Variants in PCDHGA1 observed in about 807,000 individuals in gnomAD.
The protein encoded by PCDHGA1 is protocadherin gamma-A1.
Under a neutral mutation model 58.0 loss-of-function variants are expected in PCDHGA1, and 32 were observed. That is an observed-to-expected ratio of 0.55 (90% CI 0.42 to 0.74). The LOEUF is 0.74. Among genes scored for constraint, PCDHGA1 ranks in the 30% least tolerant of loss-of-function variants. PCDHGA1 has a pLI of 0.00. For synonymous variants in PCDHGA1, 498 were observed against 501.1 expected, an observed-to-expected ratio of 0.99 and a Z score of 0.08; for missense variants, 1,205 against 1,182.3, an observed-to-expected ratio of 1.02 and a Z score of -0.28.
intron 1 of PCDHGA1, chr5:141,408,072 T>G (rs1047187961): frequency 1.7e-5 from 24 of 1,388,622 alleles, no homozygotes; most frequent in Middle Eastern, 2.6e-4. Flanking sequence ...CGCAGACCTT[T>G]CCCAGCACAG....
chr5:141,465,611 C>T (rs1393170181), intron 1 of PCDHGA1, among the ~76,000 whole-genome samples: 1 of 152,178 alleles, frequency 6.6e-6, no homozygotes, highest in African/African-American at 2.4e-5. Context: ...CTCTTTGGCC[C>T]TCCAGGAAGT....
rs79201149 is a variant in PCDHGA1, at chr5:141,386,596, T to C, written c.2421+53491T>C. Among the ~76,000 whole-genome samples, 402 of 139,140 alleles carry C rather than the reference T, an allele frequency of 2.9e-3. 2 individuals are homozygous for C. Among genetic ancestry groups the C allele is most frequent in the Non-Finnish European group, 4.9e-3 (319 of 65,706 alleles). The allele number at this position is 139,140 out of a possible 152,430, so 91.3% of individuals were successfully genotyped here. A position where few individuals can be genotyped will look rare whatever the true frequency, so the allele number is the denominator to read the frequency against. Reference sequence around the variant, plus strand: ...TCTGTACAATAGTGTGGGGGATACATTTTTTTTTTTTGACATGGAGTCTCG... The same window carrying C: ...TCTGTACAATAGTGTGGGGGATACACTTTTTTTTTTTGACATGGAGTCTCG... On this transcript the variant is annotated intron_variant, in intron 1 of 3. Transcript: ENST00000517417.
chr5:141,376,188 G>A (rs1772391716), intron 1 of PCDHGA1: 2 of 1,614,124 alleles, frequency 1.2e-6, no homozygotes, highest in South Asian at 2.2e-5. Context: ...GCGGTCTCCT[G>A]CGTCTTCCTG....
At chr5:141,507,084 T>G (rs2099858284) in intron 3 of PCDHGA1, 1 of 152,142 alleles carries the variant, frequency 6.6e-6, no homozygotes, top group African/African-American at 2.4e-5. Flanking sequence ...ACTCCTAAGT[T>G]TATGCTCTTT....
intron 1 of PCDHGA1, among the ~76,000 whole-genome samples, chr5:141,382,133 T>A (rs1420684997): frequency 6.6e-6 from 1 of 152,068 alleles, no homozygotes; most frequent in Non-Finnish European, 1.5e-5. Context: ...TGGCCCCCCC[T>A]CTCATTTTTT....
chr5:141,499,104 C>A (rs2099789508), intron 2 of PCDHGA1, among the ~76,000 whole-genome samples: 1 of 152,120 alleles, frequency 6.6e-6, no homozygotes, highest in African/African-American at 2.4e-5. Flanking sequence ...CTTCTCCTCC[C>A]CACCACTATC....
At chr5:141,414,722 G>T in intron 1 of PCDHGA1, 1 of 1,614,128 alleles carries the variant, frequency 6.2e-7, no homozygotes, top group South Asian at 1.1e-5. Flanking sequence ...TCAGACACTG[G>T]CGTCCTGTAT....
intron 1 of PCDHGA1, chr5:141,427,834 C>A: frequency 6.5e-7 from 1 of 1,542,566 alleles, no homozygotes; most frequent in Non-Finnish European, 8.9e-7. Flanking sequence ...GCGCAGCGTG[C>A]CTTCGACCAC....
chr5:141,414,318 G>A (rs1212643655), intron 1 of PCDHGA1: 1 of 1,613,772 alleles, frequency 6.2e-7, no homozygotes, highest in Non-Finnish European at 8.5e-7. Context: ...TAGACTCTGA[G>A]CAGAATGGAC....
chr5:141,366,595 C>T, intron 1 of PCDHGA1: 1 of 1,614,264 alleles, frequency 6.2e-7, no homozygotes, highest in Non-Finnish European at 8.5e-7. Flanking sequence ...CCTATTCCCA[C>T]GAGGTCTCCC....
Position 141,476,263 on chromosome 5 carries a change from C to G in PCDHGA1, c.2422-18544C>G. 13 of 1,613,940 alleles carry G rather than the reference C, an allele frequency of 8.1e-6. No individual in the cohort carries two copies. Among genetic ancestry groups the G allele is most frequent in the Non-Finnish European group, 1.1e-5 (13 of 1,180,010 alleles). On this transcript the variant is annotated intron_variant, in intron 1 of 3. Transcript: ENST00000517417. This position sits in a 1 kb window ranked among gnomAD's most constrained non-coding sequence, Gnocchi z 7.6. ...GAGAGAAGGGTTTCGCTGTGGGCAA[C>G]GTGGTCGCGAACCTTGGTTTGGATC...
chr5:141,411,573 GA>G (rs2095500797), intron 1 of PCDHGA1: 1 of 152,244 alleles, frequency 6.6e-6, no homozygotes, highest in Middle Eastern at 3.4e-3. Flanking sequence ...GACAGAGTGC[GA>G]CCCTGTCTCT....
rs1561472048 is a variant in PCDHGA1, at chr5:141,332,029, TC to T, written c.1349del (p.Pro450GlnfsTer25). 1 of 1,613,962 alleles carries T rather than the reference TC, an allele frequency of 6.2e-7. No individual in the cohort carries two copies. Among genetic ancestry groups the T allele is most frequent in the Admixed American group, 1.7e-5 (1 of 59,996 alleles). On this transcript the variant is annotated frameshift_variant, in exon 1 of 4. Transcript: ENST00000517417. LOFTEE classifies it high-confidence loss of function. The surrounding 1 kb of genome is among the most constrained non-coding windows in gnomAD (Gnocchi z 4.6). ...ACTAGTGACAGATATCAATGACAAC[TC>T]CCCAGTCTTCCATCAGGACTCCTAC... ...SLLVTDINDN[S>X]PVFHQDSYSA...
chr5:141,389,211 G>T (rs2091646577), intron 1 of PCDHGA1: 1 of 1,613,940 alleles, frequency 6.2e-7, no homozygotes, highest in Admixed American at 1.7e-5. Context: ...CATTGGTGAT[G>T]TAAATGACAA....
intron 1 of PCDHGA1, chr5:141,376,827 C>T (rs954435109): frequency 2.9e-5 from 8 of 271,594 alleles, no homozygotes; most frequent in Middle Eastern, 1.2e-3. Flanking sequence ...GCTGGGACTA[C>T]AGGCGCCCGC....
At chr5:141,374,599 C>T (rs948691402) in intron 1 of PCDHGA1, 10 of 1,613,528 alleles carry the variant, frequency 6.2e-6, no homozygotes, top group African/African-American at 1.3e-5. Context: ...GATTTAAGCT[C>T]AGTGGTAATA....
intron 1 of PCDHGA1, chr5:141,404,921 A>G: frequency 6.2e-7 from 1 of 1,613,804 alleles, no homozygotes; most frequent in South Asian, 1.1e-5. Context: ...TCTCTCGGCC[A>G]CTGTCACGCT....
chr5:141,474,135 G>C (rs1032470573), intron 1 of PCDHGA1, among the ~76,000 whole-genome samples: 2 of 152,062 alleles, frequency 1.3e-5, no homozygotes, highest in Admixed American at 1.3e-4. Context: ...GAAAACTACA[G>C]GCCTTATTAT....
intron 1 of PCDHGA1, chr5:141,421,995 C>G (rs750731453): frequency 6.2e-7 from 1 of 1,608,844 alleles, no homozygotes; most frequent in South Asian, 1.1e-5. Context: ...CAGAAAACAT[C>G]AGCTCCGGAA....
Sources: allele counts gnomAD v4.1 joint callset (sites outside exome capture counted in the v4.1 genomes callset), GRCh38; gene constraint gnomAD v4.1.1; non-coding constraint Gnocchi (gnomAD v3.1); transcripts MANE v1.5; gene names NCBI Gene and HGNC (gene_info 2026-07-23, HGNC 2026-07-21).